The following SMARCC1 variants were observed in gnomAD, a reference collection of about 807,000 sequenced individuals.
The protein encoded by SMARCC1 is SWI/SNF complex subunit SMARCC1.
Under a neutral mutation model 147.4 loss-of-function variants are expected in SMARCC1, and 43 were observed. That is an observed-to-expected ratio of 0.29 (90% CI 0.23 to 0.38). The LOEUF is 0.38. Among genes scored for constraint, SMARCC1 ranks in the 10% least tolerant of loss-of-function variants. The pLI, the probability that SMARCC1 is intolerant of heterozygous loss-of-function variation, is 1.00. For synonymous variants in SMARCC1, 495 were observed against 484.4 expected, an observed-to-expected ratio of 1.02 and a Z score of -0.29; for missense variants, 1,119 against 1,381.1, an observed-to-expected ratio of 0.81 and a Z score of 3.01.
At chr3:47,729,616 C>T (rs566789788) in intron 5 of SMARCC1, among the ~76,000 whole-genome samples, 3 of 152,150 alleles carry the variant, frequency 2.0e-5, no homozygotes, top group Non-Finnish European at 4.4e-5. Context: ...GAACTCCTGA[C>T]CTTAGGTGAG....
chr3:47,599,522 G>A (rs950270727), intron 26 of SMARCC1, among the ~76,000 whole-genome samples: 8 of 152,176 alleles, frequency 5.3e-5, no homozygotes, highest in African/African-American at 1.9e-4. Flanking sequence ...TTATCCCTGT[G>A]GAAGAAAGGG....
chr3:47,720,079 A>T (rs561958702), intron 7 of SMARCC1, among the ~76,000 whole-genome samples: 1 of 151,788 alleles, frequency 6.6e-6, no homozygotes, highest in Non-Finnish European at 1.5e-5. Context: ...TAGCAACCTA[A>T]TACCACACAG....
intron 25 of SMARCC1, among the ~76,000 whole-genome samples, chr3:47,620,746 G>A (rs1021428083): frequency 2.6e-5 from 4 of 152,180 alleles, no homozygotes; most frequent in Admixed American, 6.5e-5. Context: ...GAAGAGAAGT[G>A]TGAGAAAGCC....
At position 47,637,358 on chromosome 3, in the gene SMARCC1, T is replaced by C. The variant is rs1015553888; in HGVS notation, c.2377-1222A>G. Among the ~76,000 whole-genome samples, 8 of 152,294 alleles carry C rather than the reference T, an allele frequency of 5.3e-5. No homozygotes were observed. The South Asian group carries it at 1.7e-3, about 32-fold the overall frequency. ...AATCAAGACCTTCAATCTTGGCTTA[T>C]ATATATTCACTCAAATAGTGACTGA... On this transcript the variant is annotated intron_variant, in intron 22 of 27. Transcript: ENST00000254480.
chr3:47,644,465 C>T (rs1024497198), intron 21 of SMARCC1, among the ~76,000 whole-genome samples: 10 of 152,146 alleles, frequency 6.6e-5, no homozygotes, highest in African/African-American at 2.4e-4. Context: ...CTCTGCACTC[C>T]CGCCTAGGTG....
At chr3:47,712,476 G>A (rs1274059487) in intron 8 of SMARCC1, among the ~76,000 whole-genome samples, 1 of 151,884 alleles carries the variant, frequency 6.6e-6, no homozygotes, top group Non-Finnish European at 1.5e-5. Flanking sequence ...AGAAATCCTT[G>A]AAAGAAATCT....
intron 21 of SMARCC1, among the ~76,000 whole-genome samples, chr3:47,643,432 CA>C (rs1203345840): frequency 1.3e-5 from 2 of 151,906 alleles, no homozygotes; most frequent in Non-Finnish European, 2.9e-5. Flanking sequence ...GGATTAGAAT[CA>C]CACAAGAGGA....
chr3:47,734,794 G>A (rs561459764), intron 5 of SMARCC1, among the ~76,000 whole-genome samples: 2 of 152,178 alleles, frequency 1.3e-5, no homozygotes, highest in Non-Finnish European at 2.9e-5. Flanking sequence ...ACGGAGTCTC[G>A]CTCTGTCACC....
chr3:47,695,692 G>A (rs892167934), intron 11 of SMARCC1, among the ~76,000 whole-genome samples: 4 of 149,872 alleles, frequency 2.7e-5, no homozygotes, highest in East Asian at 3.9e-4. Flanking sequence ...ACACGAACCC[G>A]GCGGAGGTTG....
chr3:47,697,847 A>G (rs1408562588), intron 11 of SMARCC1, among the ~76,000 whole-genome samples: 1 of 151,244 alleles, frequency 6.6e-6, no homozygotes. Flanking sequence ...CTCTACTAAA[A>G]ATACAAAAAA....
chr3:47,591,410 TAAA>T (rs36029152), intron 26 of SMARCC1, among the ~76,000 whole-genome samples: 2 of 143,738 alleles, frequency 1.4e-5, no homozygotes, highest in African/African-American at 2.6e-5. Context: ...ATGGTTCATT[TAAA>T]AAAAAAAAAA....
At chr3:47,724,945 G>A (rs1271982964) in intron 6 of SMARCC1, among the ~76,000 whole-genome samples, 1 of 150,722 alleles carries the variant, frequency 6.6e-6, no homozygotes, top group Non-Finnish European at 1.5e-5. Context: ...CAGCTACTTG[G>A]GAGGCTGGGG....
At chr3:47,608,781 T>G (rs1286690586) in intron 26 of SMARCC1, among the ~76,000 whole-genome samples, 1 of 148,614 alleles carries the variant, frequency 6.7e-6, no homozygotes, top group Non-Finnish European at 1.5e-5. Context: ...CCTGGGAGGT[T>G]GAGGCTGCAG....
At chr3:47,701,149 A>C in intron 11 of SMARCC1, 129 bp downstream of exon 11, 1 of 675,826 alleles carries the variant, frequency 1.5e-6, no homozygotes, top group East Asian at 2.9e-5. Flanking sequence ...AAAGATATCC[A>C]TAAAAGGGAC....
chr3:47,758,520 G>GTAC (rs1379763439), intron 2 of SMARCC1, among the ~76,000 whole-genome samples: 7 of 151,888 alleles, frequency 4.6e-5, no homozygotes, highest in Admixed American at 1.3e-4. Context: ...AACACAACAG[G>GTAC]GTACCATCTC....
chr3:47,702,130 A>G (rs1263787800), intron 10 of SMARCC1, among the ~76,000 whole-genome samples: 1 of 151,860 alleles, frequency 6.6e-6, no homozygotes, highest in Non-Finnish European at 1.5e-5. Flanking sequence ...GAATCCCTAA[A>G]TATAGTACTA....
chr3:47,591,411 A>T (rs1576380409), intron 26 of SMARCC1, among the ~76,000 whole-genome samples: 1 of 67,896 alleles, frequency 1.5e-5, no homozygotes, highest in African/African-American at 4.6e-5. Flanking sequence ...TGGTTCATTT[A>T]AAAAAAAAAA....
chr3:47,727,410 G>A (rs1279286204), intron 6 of SMARCC1, among the ~76,000 whole-genome samples: 3 of 151,804 alleles, frequency 2.0e-5, no homozygotes, highest in African/African-American at 7.3e-5. Flanking sequence ...AGGAGGCTGA[G>A]GCAGGAGAAT....
chr3:47,645,966 A>G (rs1219379152), intron 21 of SMARCC1, among the ~76,000 whole-genome samples: 1 of 152,172 alleles, frequency 6.6e-6, no homozygotes, highest in Non-Finnish European at 1.5e-5. Context: ...GTTTTTTAAG[A>G]TGGGGTCCCG....
Sources: allele counts gnomAD v4.1 joint callset (sites outside exome capture counted in the v4.1 genomes callset), GRCh38; gene constraint gnomAD v4.1.1; transcripts MANE v1.5; gene names NCBI Gene and HGNC (gene_info 2026-07-23, HGNC 2026-07-21).